CSMD1: variants seen among roughly 807,000 people sequenced by gnomAD.
CSMD1 encodes CUB and Sushi multiple domains 1.
A neutral mutation model predicts 417.5 loss-of-function variants in CSMD1; 213 were observed. The observed-to-expected ratio is 0.51, with a 90% confidence interval of 0.46 to 0.57. The LOEUF is 0.57. CSMD1 is among the 20% of genes least tolerant of loss of function. The pLI, the probability that CSMD1 is intolerant of heterozygous loss-of-function variation, is 0.00. For synonymous variants in CSMD1, 2,862 were observed against 1,736.8 expected, an observed-to-expected ratio of 1.65 and a Z score of -16.11; for missense variants, 6,923 against 4,529.7, an observed-to-expected ratio of 1.53 and a Z score of -15.17.
At chr8:3,825,725 A>T (rs1802020700) in intron 5 of CSMD1, among the ~76,000 whole-genome samples, 1 of 152,184 alleles carries the variant, frequency 6.6e-6, no homozygotes, top group Admixed American at 6.5e-5. Flanking sequence ...GAAAATTTCC[A>T]CTGAAGCAAC....
intron 3 of CSMD1, among the ~76,000 whole-genome samples, chr8:4,241,647 C>G (rs530627986): frequency 6.6e-6 from 1 of 151,820 alleles, no homozygotes; most frequent in Admixed American, 6.6e-5. Flanking sequence ...TGATCAAAAT[C>G]ATTACAAATG....
intron 10 of CSMD1, chr8:3,515,360 C>G (rs1459161505): frequency 6.6e-6 from 1 of 152,172 alleles, no homozygotes; most frequent in Non-Finnish European, 1.5e-5. Flanking sequence ...CACCACTGTG[C>G]AAGATCAACA....
At chr8:3,434,441 A>T (rs1814418828) in intron 12 of CSMD1, among the ~76,000 whole-genome samples, 1 of 152,212 alleles carries the variant, frequency 6.6e-6, no homozygotes, top group Non-Finnish European at 1.5e-5. Flanking sequence ...ATTCCATACA[A>T]GCCTATATTA....
In CSMD1 at chr8:4,899,628, G is replaced by A. The variant is rs78158163; in HGVS notation, c.85+94704C>T. 1.9e-3 allele frequency among the ~76,000 whole-genome samples: 295 copies of A among 152,068 alleles called. 7 individuals are homozygous for A. The East Asian group carries it at 0.026, about 13-fold the overall frequency. Reference sequence around the variant, plus strand: ...TTACCTGTGGTTACATAACATATAGGGTTTTGTCTGTAGTTTTGCAAAAAT... The same window carrying A: ...TTACCTGTGGTTACATAACATATAGAGTTTTGTCTGTAGTTTTGCAAAAAT... On this transcript the variant is annotated intron_variant, in intron 1 of 69. Coordinates refer to ENST00000635120, the MANE Select transcript of CSMD1 (RefSeq NM_033225.6).
chr8:4,656,844 C>G (rs1158063917), intron 1 of CSMD1, among the ~76,000 whole-genome samples: 3 of 152,110 alleles, frequency 2.0e-5, no homozygotes, highest in African/African-American at 7.2e-5. Context: ...ACCACATTTA[C>G]TAATGTGCAG....
chr8:3,277,683 A>G (rs1802406880), intron 26 of CSMD1, among the ~76,000 whole-genome samples: 1 of 152,124 alleles, frequency 6.6e-6, no homozygotes, highest in African/African-American at 2.4e-5. Flanking sequence ...TCAGGTGTTG[A>G]GTTGCCTCTC....
chr8:4,961,014 C>G (rs1054463906), intron 1 of CSMD1, among the ~76,000 whole-genome samples: 1 of 152,100 alleles, frequency 6.6e-6, no homozygotes, highest in Non-Finnish European at 1.5e-5. Context: ...GCATTTTACT[C>G]TCTTACAGAA....
intron 10 of CSMD1, among the ~76,000 whole-genome samples, chr8:3,529,092 G>C (rs577572759): frequency 5.9e-5 from 9 of 152,020 alleles, no homozygotes; most frequent in Non-Finnish European, 1.3e-4. Context: ...AGAATATACC[G>C]ACTTCTTTGA....
chr8:4,526,846 C>G (rs1585204323), intron 2 of CSMD1, among the ~76,000 whole-genome samples: 1 of 151,886 alleles, frequency 6.6e-6, no homozygotes, highest in South Asian at 2.1e-4. Flanking sequence ...TTTTTTTTCT[C>G]CCCCCAAGAA....
At chr8:4,946,020 G>C (rs1016780078) in intron 1 of CSMD1, among the ~76,000 whole-genome samples, 1 of 152,162 alleles carries the variant, frequency 6.6e-6, no homozygotes, top group Non-Finnish European at 1.5e-5. Flanking sequence ...GTGGGCTCTT[G>C]TGAACATCAG....
At chr8:4,010,902 C>G (rs1343023644) in intron 4 of CSMD1, among the ~76,000 whole-genome samples, 1 of 152,148 alleles carries the variant, frequency 6.6e-6, no homozygotes, top group Non-Finnish European at 1.5e-5. Flanking sequence ...ACTGAAAGGT[C>G]TAACTTTACA....
chr8:3,595,786 G>T (rs528137972), intron 8 of CSMD1, among the ~76,000 whole-genome samples: 25 of 152,168 alleles, frequency 1.6e-4, no homozygotes, highest in Admixed American at 2.6e-4. Context: ...TTTGTCATGC[G>T]AAGTAGAAAA....
intron 1 of CSMD1, among the ~76,000 whole-genome samples, chr8:4,657,847 A>G (rs1804342118): frequency 6.6e-6 from 1 of 152,070 alleles, no homozygotes; most frequent in Non-Finnish European, 1.5e-5. Flanking sequence ...CTAGGAAACC[A>G]GGAGAATGGC....
intron 3 of CSMD1, among the ~76,000 whole-genome samples, chr8:4,415,059 T>C (rs13262986): frequency 0.17 from 26,267 of 152,160 alleles, 2,383 homozygotes; most frequent in East Asian, 0.3. Flanking sequence ...CCAGTGAAAG[T>C]AATTCAGCTT....
At chr8:4,741,985 G>A (rs1810640425) in intron 1 of CSMD1, among the ~76,000 whole-genome samples, 1 of 115,404 alleles carries the variant, frequency 8.7e-6, no homozygotes, top group Non-Finnish European at 1.7e-5. Context: ...AGGTCCGCAC[G>A]CACCACCACA....
At chr8:4,068,879 A>C (rs1799398109) in intron 3 of CSMD1, among the ~76,000 whole-genome samples, 1 of 152,210 alleles carries the variant, frequency 6.6e-6, no homozygotes, top group Admixed American at 6.5e-5. Context: ...GCACTGCATT[A>C]TGTATGTAAA....
intron 4 of CSMD1, among the ~76,000 whole-genome samples, chr8:4,021,202 T>C (rs749405994): frequency 2.0e-5 from 3 of 152,188 alleles, no homozygotes; most frequent in Admixed American, 6.5e-5. Context: ...ATAACTGAAA[T>C]ACACATCAGA....
At position 4,198,032 on chromosome 8, in the gene CSMD1, G is replaced by A. The variant is rs557352146; in HGVS notation, c.416-165933C>T. On this transcript the variant is annotated intron_variant, in intron 3 of 69. Transcript: ENST00000635120. ...TTAAGAGTTGGGGGCACAGACTGCA[G>A]CAATGAAGAAGTATTTATGCTCAGC... Among the ~76,000 whole-genome samples, 12 of 152,350 alleles carry A rather than the reference G, an allele frequency of 7.9e-5. No individual in the cohort carries two copies. In the South Asian group the frequency reaches 1.0e-3, roughly 13 times the overall value.
At chr8:3,835,510 T>C (rs79648380) in intron 5 of CSMD1, among the ~76,000 whole-genome samples, 56,521 of 151,274 alleles carry the variant, frequency 0.37, 11,236 homozygotes, top group African/African-American at 0.51. Flanking sequence ...TAGCTGGGAA[T>C]TGAACAATGA....
Sources: allele counts gnomAD v4.1 joint callset (sites outside exome capture counted in the v4.1 genomes callset), GRCh38; gene constraint gnomAD v4.1.1; transcripts MANE v1.5; gene names NCBI Gene and HGNC (gene_info 2026-07-23, HGNC 2026-07-21).